The following ZNF681 variants were observed in gnomAD, a reference collection of about 807,000 sequenced individuals.
ZNF681 encodes the protein hypothetical protein FLJ31526.
ZNF681 carries 37 observed loss-of-function variants against 56.0 expected under a neutral mutation model. That is an observed-to-expected ratio of 0.66 (90% CI 0.51 to 0.87). The LOEUF is 0.87. Ranked by LOEUF, ZNF681 falls within the 40% of genes least tolerant of loss-of-function variation. The probability of loss-of-function intolerance (pLI) is 0.00; values close to 1 mark genes in which losing one functional copy is unlikely to be tolerated. For synonymous variants in ZNF681, 225 were observed against 248.6 expected (o/e 0.91, Z 0.89); for missense variants, 741 against 744.9 (o/e 0.99, Z 0.06).
chr19:23,741,106 A>T lies in ZNF681; in HGVS notation c.*2506T>A, dbSNP rs545687649. 6.6e-6 allele frequency: 1 copy of T among 152,242 alleles called. No individual in the cohort carries two copies. The highest frequency in any genetic ancestry group is 1.9e-4 in the East Asian group (1 of 5,190). 9.4% of individuals were successfully genotyped at this position (152,242 alleles called of 1,614,324 possible). On this transcript the variant is annotated 3_prime_UTR_variant, in exon 4 of 4. Coordinates refer to ENST00000402377, the MANE Select transcript of ZNF681 (RefSeq NM_138286.3). Reference sequence around the variant, plus strand: ...GTCATCATCTAATTAAAATAATTTGATTTGTTTCAATATTGCTCTTCTGAA... The same window carrying T: ...GTCATCATCTAATTAAAATAATTTGTTTTGTTTCAATATTGCTCTTCTGAA...
intron 3 of ZNF681, among the ~76,000 whole-genome samples, chr19:23,749,271 T>A (rs1308929052): frequency 3.9e-5 from 6 of 152,192 alleles, no homozygotes; most frequent in Non-Finnish European, 8.8e-5. Flanking sequence ...ATAGGAGATA[T>A]CTTAAGTAGT....
chr19:23,746,987 G>C (rs984963060), intron 3 of ZNF681, among the ~76,000 whole-genome samples: 3 of 152,136 alleles, frequency 2.0e-5, no homozygotes, highest in African/African-American at 7.2e-5. Flanking sequence ...AGCCAGGCAT[G>C]GTAGTGCATC....
chr19:23,757,786 T>TCTATATAGAGTC (rs1555714248), intron 1 of ZNF681, among the ~76,000 whole-genome samples: 1 of 151,992 alleles, frequency 6.6e-6, no homozygotes, highest in African/African-American at 2.4e-5. Context: ...GGGAGTGGAC[T>TCTATATAGAGTC]CTATATAGAA....
intron 3 of ZNF681, among the ~76,000 whole-genome samples, chr19:23,749,334 GGTAAAAT>G (rs1968990644): frequency 8.6e-6 from 1 of 116,424 alleles, no homozygotes; most frequent in South Asian, 2.4e-4. Context: ...CTGGAGAGAG[GGTAAAAT>G]GTTCAGCTGT....
Position 23,758,883 on chromosome 19 carries a change from G to A in ZNF681, c.-134C>T. 1 of 1,292,486 alleles carries A rather than the reference G, an allele frequency of 7.7e-7. No homozygotes were observed. The highest frequency in any genetic ancestry group is 1.1e-6 in the Non-Finnish European group (1 of 920,638). 80.1% of individuals were successfully genotyped at this position (1,292,486 alleles called of 1,614,324 possible). The stretch of plus-strand genomic sequence containing the variant: ...GACGAGACCCGGAGCTCGGGCTGAA[G>A]GGAGAGACAAAGGCCCCGCCAATCC... On this transcript the variant is annotated 5_prime_UTR_variant, in exon 1 of 4. Transcript: ENST00000402377.
Position 23,743,814 on chromosome 19 carries a change from C to T in ZNF681, c.1736G>A (p.Arg579Lys), listed in dbSNP as rs770965063. The T allele has an allele frequency of 6.3e-6, 10 of 1,577,274 alleles. No individual in the cohort carries two copies. In the Admixed American group the frequency reaches 1.2e-4, roughly 20 times the overall value. ...KAFNQSSHLT[R>K]HKRIHTGEKP... ...CTCTCCAGTATGAATTCTCTTATGT[C>T]TAGTAAGGTGTGAGGACTGGTTAAA... The change falls in exon 4 of 4, where the codon AGA (arginine) becomes AAA (lysine). Residue 579 changes from arginine (R) to lysine (K), a missense_variant. Physicochemically the swap from Arg to Lys is conservative, Grantham distance 26 (BLOSUM62 2). Coordinates refer to ENST00000402377, the MANE Select transcript of ZNF681 (RefSeq NM_138286.3).
chr19:23,750,297 A>AAC (rs1568311314), intron 3 of ZNF681, among the ~76,000 whole-genome samples: 487 of 29,114 alleles, frequency 0.017, 36 homozygotes, highest in East Asian at 0.035. Context: ...AAAAAAAAAA[A>AAC]AAAAAACCAA....
chr19:23,743,815 T>G lies in ZNF681; in HGVS notation c.1735A>C (p.Arg579=), dbSNP rs1176483488. 1 of 1,610,266 alleles carries G rather than the reference T, an allele frequency of 6.2e-7. No individual in the cohort carries two copies. The highest frequency in any genetic ancestry group is 1.3e-5 in the African/African-American group (1 of 74,662). ...KAFNQSSHLT[R]HKRIHTGEKP... ...TCTCCAGTATGAATTCTCTTATGTC[T>G]AGTAAGGTGTGAGGACTGGTTAAAG... The change falls in exon 4 of 4, where the codon AGA becomes CGA. Residue 579 remains arginine (R), a synonymous_variant. Transcript: ENST00000402377.
Position 23,740,915 on chromosome 19 carries a change from G to A in ZNF681, c.*2697C>T, listed in dbSNP as rs909658691. On this transcript the variant is annotated 3_prime_UTR_variant, in exon 4 of 4. Transcript: ENST00000402377. ...TATAAAATAAGAGAAAAAAATGTAA[G>A]ACACAAGAAAATTATGGGTCTAGCC... The A allele has an allele frequency of 1.3e-5, 2 of 151,918 alleles. No homozygotes were observed. Among genetic ancestry groups the A allele is most frequent in the Non-Finnish European group, 2.9e-5 (2 of 67,974 alleles). The allele number at this position is 151,918 out of a possible 1,614,324, so 9.4% of individuals were successfully genotyped here. A position where few individuals can be genotyped will look rare whatever the true frequency, so the allele number is the denominator to read the frequency against.
In ZNF681 at chr19:23,744,003, T is replaced by C. The variant is rs749575049; in HGVS notation, c.1547A>G (p.Tyr516Cys). Reference protein sequence around the residue: ...YKCEECGKAFYRSSKLTEHKK... With the variant: ...YKCEECGKAFCRSSKLTEHKK... Reference sequence around the variant, plus strand: ...ATGTTCAGTAAGTTTTGAGGATCGATAGAAAGCTTTGCCACATTCTTCACA... The same window carrying C: ...ATGTTCAGTAAGTTTTGAGGATCGACAGAAAGCTTTGCCACATTCTTCACA... The change falls in exon 4 of 4, where the codon TAT becomes TGT. Residue 516 changes from tyrosine to cysteine, a missense_variant. By Grantham distance (194) the Tyr-to-Cys change is radical. Coordinates refer to ENST00000402377, the MANE Select transcript of ZNF681 (RefSeq NM_138286.3). 4 of 1,613,092 alleles carry C rather than the reference T, an allele frequency of 2.5e-6. No individual in the cohort carries two copies. The highest frequency in any genetic ancestry group is 1.3e-5 in the African/African-American group (1 of 74,936).
chr19:23,758,614 T>C, intron 1 of ZNF681, 133 bp downstream of exon 1: 1 of 1,354,588 alleles, frequency 7.4e-7, no homozygotes, highest in East Asian at 2.3e-5. Context: ...GCCGCCATCT[T>C]ATGGTCCAAG....
intron 1 of ZNF681, among the ~76,000 whole-genome samples, 179 bp downstream of exon 1, chr19:23,758,568 G>A (rs367670204): frequency 2.0e-4 from 30 of 152,330 alleles, no homozygotes; most frequent in African/African-American, 7.2e-4. Context: ...TGAGCAGGGA[G>A]GAGAAAGGAC....
At chr19:23,756,757 A>G (rs1450928983) in intron 1 of ZNF681, among the ~76,000 whole-genome samples, 1 of 152,154 alleles carries the variant, frequency 6.6e-6, no homozygotes, top group East Asian at 1.9e-4. Flanking sequence ...ACATGTACAC[A>G]TATGTCACAA....
Position 23,747,487 on chromosome 19 carries a change from A to C in ZNF681, c.227-2164T>G, listed in dbSNP as rs938642426. Among the ~76,000 whole-genome samples the C allele has an allele frequency of 9.9e-5, 15 of 151,746 alleles. No homozygotes were observed. The East Asian group carries it at 2.9e-3, about 30-fold the overall frequency. On this transcript the variant is annotated intron_variant, in intron 3 of 3. Coordinates refer to ENST00000402377, the MANE Select transcript of ZNF681 (RefSeq NM_138286.3). ...ACCCCGTCTCTACTAAAAATACAAA[A>C]AAATTAGCCGGGCGTGGTGGCGGGC... is the stretch of plus-strand genomic sequence containing the variant.
chr19:23,745,625 G>C (rs1411370408), intron 3 of ZNF681, among the ~76,000 whole-genome samples: 1 of 151,758 alleles, frequency 6.6e-6, no homozygotes, highest in Non-Finnish European at 1.5e-5. Context: ...GCTAATATTT[G>C]TATTTTTAGT....
chr19:23,754,155 G>A (rs1173158680), intron 3 of ZNF681, among the ~76,000 whole-genome samples: 1 of 151,604 alleles, frequency 6.6e-6, no homozygotes, highest in Non-Finnish European at 1.5e-5. Context: ...CAGAGATGAT[G>A]CAAAAAAAGA....
chr19:23,744,451 T>G lies in ZNF681; in HGVS notation c.1099A>C (p.Arg367=), dbSNP rs986018030. ...KIIHTGEKPY[R]CEECGKAFRQ... ...AAGGCTTTGCCACATTCTTCACATC[T>G]GTAGGGCTTCTCTCCAGTATGAATT... Residue 367 remains arginine, a synonymous_variant, in exon 4 of 4, where the codon AGA becomes CGA. Coordinates refer to ENST00000402377, the MANE Select transcript of ZNF681 (RefSeq NM_138286.3). 5.1e-6 allele frequency: 8 copies of G among 1,577,944 alleles called. No individual in the cohort carries two copies. The highest frequency in any genetic ancestry group is 1.8e-5 in the Admixed American group (1 of 57,048).
chr19:23,745,293 G>A lies in ZNF681; in HGVS notation c.257C>T (p.Ser86Leu). 1 of 1,572,382 alleles carries A rather than the reference G, an allele frequency of 6.4e-7. No individual in the cohort carries two copies. Among genetic ancestry groups the A allele is most frequent in the Non-Finnish European group, 8.6e-7 (1 of 1,164,824 alleles). The change falls in exon 4 of 4, where the codon TCA becomes TTA. Residue 86 changes from serine to leucine, a missense_variant. Coordinates refer to ENST00000402377, the MANE Select transcript of ZNF681 (RefSeq NM_138286.3). ...VICSHFAQDF[S>L]PEQNIKDSFQ... ...AGAATCTTTTATGTTCTGCTCTGGTGAAAAGTCTTGGGCAAAATGAGAACA... is the reference window on the plus strand; with the variant it reads ...AGAATCTTTTATGTTCTGCTCTGGTAAAAAGTCTTGGGCAAAATGAGAACA...
At chr19:23,752,986 T>C (rs1005538384) in intron 3 of ZNF681, among the ~76,000 whole-genome samples, 2 of 151,680 alleles carry the variant, frequency 1.3e-5, no homozygotes, top group African/African-American at 4.8e-5. Flanking sequence ...TGTGTATATA[T>C]ATAGAGTACA....
Sources: gnomAD v4.1 joint callset for allele counts (sites outside exome capture counted in the v4.1 genomes callset) on GRCh38, gnomAD v4.1.1 for gene constraint, MANE v1.5 for transcripts, NCBI Gene and HGNC (gene_info 2026-07-23, HGNC 2026-07-21) for gene names.